Variants in RALGAPB observed in about 807,000 individuals in gnomAD.
RALGAPB encodes ral GTPase-activating protein subunit beta.
In RALGAPB, 25 loss-of-function variants were observed where a neutral mutation model predicts 161.1. That is an observed-to-expected ratio of 0.16 (90% CI 0.11 to 0.22). The LOEUF (loss-of-function observed/expected upper bound fraction) is 0.22. RALGAPB is among the 10% of genes least tolerant of loss of function. RALGAPB has a pLI of 1.00. For synonymous variants in RALGAPB, 629 were observed against 626.1 expected, an observed-to-expected ratio of 1.00 and a Z score of -0.07; for missense variants, 1,391 against 1,815.2, an observed-to-expected ratio of 0.77 and a Z score of 4.25.
chr20:38,544,226 C>T (rs1282660795), intron 18 of RALGAPB, among the ~76,000 whole-genome samples: 1 of 152,160 alleles, frequency 6.6e-6, no homozygotes, highest in Non-Finnish European at 1.5e-5. Flanking sequence ...AAAATCTCTC[C>T]CACTTCTATG....
At chr20:38,510,126 GCACATACACACACACACACACACACA>G (rs2085891270) in intron 6 of RALGAPB, among the ~76,000 whole-genome samples, 1 of 112,750 alleles carries the variant, frequency 8.9e-6, no homozygotes, top group South Asian at 2.7e-4. Flanking sequence ...ACACACACAC[GCACATACACACACACACACACACACA>G]CACACACACA....
At chr20:38,573,556 C>G (rs1248641885) in intron 28 of RALGAPB, 1 of 152,160 alleles carries the variant, frequency 6.6e-6, no homozygotes, top group Non-Finnish European at 1.5e-5. Flanking sequence ...GGCTTTGGCC[C>G]TGCCACAGTG....
chr20:38,573,454 G>C (rs1033714306), intron 28 of RALGAPB, among the ~76,000 whole-genome samples: 2 of 152,096 alleles, frequency 1.3e-5, no homozygotes. Context: ...TATTAGATGG[G>C]TTGGCCTATC....
chr20:38,496,282 C>A (rs990878707), intron 3 of RALGAPB, among the ~76,000 whole-genome samples: 3 of 152,096 alleles, frequency 2.0e-5, no homozygotes, highest in African/African-American at 7.2e-5. Context: ...TGCATCATAG[C>A]CCAGAATCTG....
intron 1 of RALGAPB, among the ~76,000 whole-genome samples, chr20:38,478,893 G>A (rs879407095): frequency 7.9e-5 from 12 of 152,180 alleles, no homozygotes; most frequent in Admixed American, 7.2e-4. Flanking sequence ...TGGGATTACA[G>A]GCATGAGCCA....
chr20:38,476,503 C>T (rs1282346215), intron 1 of RALGAPB, among the ~76,000 whole-genome samples: 5 of 152,150 alleles, frequency 3.3e-5, no homozygotes, highest in African/African-American at 1.2e-4. Flanking sequence ...ACCCCTTCCC[C>T]ATGAGAAAGG....
chr20:38,574,758 ACTCT>A lies in RALGAPB; in HGVS notation c.4292-13_4292-10del. 1 of 1,606,016 alleles carries A rather than the reference ACTCT, an allele frequency of 6.2e-7. No individual in the cohort carries two copies. The highest frequency in any genetic ancestry group is 8.5e-7 in the Non-Finnish European group (1 of 1,173,206). ...ACTAGTTTCTAACGTTTATTTTAAAACTCTCTATTTTCAAGGCTTTCTGGTGAGG... is the reference window on the plus strand; with the variant it reads ...ACTAGTTTCTAACGTTTATTTTAAAACTATTTTCAAGGCTTTCTGGTGAGG... On this transcript the variant is annotated splice_polypyrimidine_tract_variant and intron_variant, in intron 29 of 29. Coordinates refer to ENST00000262879, the MANE Select transcript of RALGAPB (RefSeq NM_020336.4).
rs183500202 is a variant in RALGAPB, at chr20:38,496,106, C to T, written c.390-1247C>T. On this transcript the variant is annotated intron_variant, in intron 3 of 29. Coordinates refer to ENST00000262879, the MANE Select transcript of RALGAPB (RefSeq NM_020336.4). ...CTTAGGGCTTTACATGGACTAGATC[C>T]ACCTTTACTAGATCCACCTTTAGCT... 9.2e-5 allele frequency among the ~76,000 whole-genome samples: 14 copies of T among 152,240 alleles called. No individual in the cohort carries two copies. In the East Asian group the frequency reaches 2.5e-3, roughly 27 times the overall value.
In RALGAPB at chr20:38,539,918, G is replaced by A. The variant is rs1180246524; in HGVS notation, c.2522G>A (p.Cys841Tyr). ...ATAGTGGCAGCTTTTCAGTGTCTCTGTGTCTGGCTGACAGAGCACCCTGAT... is the reference window on the plus strand; with the variant it reads ...ATAGTGGCAGCTTTTCAGTGTCTCTATGTCTGGCTGACAGAGCACCCTGAT... ...SMIVAAFQCL[C>Y]VWLTEHPDML... Residue 841 changes from cysteine to tyrosine, a missense_variant, in exon 17 of 30, where the codon TGT (cysteine) becomes TAT (tyrosine). This residue lies in a region of RALGAPB where 946 missense variants were observed against 1,257.2 expected (regional missense o/e 0.75). Coordinates refer to ENST00000262879, the MANE Select transcript of RALGAPB (RefSeq NM_020336.4). 6 of 1,614,052 alleles carry A rather than the reference G, an allele frequency of 3.7e-6. No homozygotes were observed. The highest frequency in any genetic ancestry group is 5.1e-6 in the Non-Finnish European group (6 of 1,179,948).
chr20:38,498,684 T>C (rs2085497357), intron 4 of RALGAPB, among the ~76,000 whole-genome samples: 1 of 152,212 alleles, frequency 6.6e-6, no homozygotes, highest in Non-Finnish European at 1.5e-5. Flanking sequence ...TTACAACTTT[T>C]CCTGTGAGTC....
At chr20:38,479,883 T>C (rs139546012) in intron 1 of RALGAPB, among the ~76,000 whole-genome samples, 11 of 152,312 alleles carry the variant, frequency 7.2e-5, no homozygotes, top group African/African-American at 2.6e-4. Context: ...AGTTTGCTCT[T>C]CTACTATCCC....
intron 1 of RALGAPB, among the ~76,000 whole-genome samples, chr20:38,487,623 AC>A (rs2122856542): frequency 6.6e-6 from 1 of 152,300 alleles, no homozygotes; most frequent in African/African-American, 2.4e-5. Context: ...GTAAAATCAG[AC>A]CTTTCCTACA....
chr20:38,488,102 T>C (rs1419371451), intron 1 of RALGAPB, among the ~76,000 whole-genome samples: 1 of 152,186 alleles, frequency 6.6e-6, no homozygotes, highest in African/African-American at 2.4e-5. Flanking sequence ...ACCCAGAACA[T>C]ATGCATATAT....
intron 16 of RALGAPB, among the ~76,000 whole-genome samples, chr20:38,535,683 C>T (rs1403027861): frequency 6.6e-6 from 1 of 151,596 alleles, no homozygotes; most frequent in African/African-American, 2.4e-5. Context: ...GCCTCCGCTT[C>T]CAAGCAATCC....
At chr20:38,563,484 C>T (rs114840965) in intron 24 of RALGAPB, among the ~76,000 whole-genome samples, 4 of 152,298 alleles carry the variant, frequency 2.6e-5, no homozygotes, top group Admixed American at 6.5e-5. Flanking sequence ...TGCCCATCCC[C>T]GCAGATCCTC....
chr20:38,498,929 T>C (rs1275540190), intron 4 of RALGAPB, among the ~76,000 whole-genome samples: 1 of 152,226 alleles, frequency 6.6e-6, no homozygotes, highest in African/African-American at 2.4e-5. Context: ...GGGTGTTTGT[T>C]GTGATTCCTT....
chr20:38,570,346 T>C (rs2088186146), intron 27 of RALGAPB, among the ~76,000 whole-genome samples: 1 of 152,220 alleles, frequency 6.6e-6, no homozygotes, highest in African/African-American at 2.4e-5. Context: ...TTACCCTCTC[T>C]CCACCCACAT....
intron 9 of RALGAPB, among the ~76,000 whole-genome samples, chr20:38,520,927 A>G (rs1287859763): frequency 1.3e-5 from 2 of 151,772 alleles, no homozygotes; most frequent in Admixed American, 1.3e-4. Flanking sequence ...ATTCATTCTC[A>G]TTTTGCTTGG....
intron 3 of RALGAPB, among the ~76,000 whole-genome samples, chr20:38,496,607 T>C (rs2085434814): frequency 6.6e-6 from 1 of 152,202 alleles, no homozygotes; most frequent in Non-Finnish European, 1.5e-5. Context: ...ATCTTCATCT[T>C]CAGTCCTAGC....
Sources: allele counts gnomAD v4.1 joint callset (sites outside exome capture counted in the v4.1 genomes callset), GRCh38; gene constraint gnomAD v4.1.1; regional missense constraint gnomAD v4.1.1; transcripts MANE v1.5; gene names NCBI Gene and HGNC (gene_info 2026-07-23, HGNC 2026-07-21).